PATJ: variants seen among roughly 807,000 people sequenced by gnomAD.
The protein encoded by PATJ is PATJ crumbs cell polarity complex component, also known as inaD-like protein.
PATJ carries 190 observed loss-of-function variants against 224.9 expected under a neutral mutation model. The ratio of observed to expected loss-of-function variants is 0.84; its 90% CI spans 0.75 to 0.95. The LOEUF (loss-of-function observed/expected upper bound fraction) is 0.95. Ranked by LOEUF, PATJ falls within the 40% of genes least tolerant of loss-of-function variation. The pLI is 0.00. For missense variants in PATJ, 2,121 were observed against 2,270.3 expected, an observed-to-expected ratio of 0.93 and a Z score of 1.34; for synonymous variants, 769 against 820.3, an observed-to-expected ratio of 0.94 and a Z score of 1.07.
chr1:62,115,413 G>A (rs1011801625), intron 35 of PATJ, among the ~76,000 whole-genome samples: 1 of 151,902 alleles, frequency 6.6e-6, no homozygotes. Flanking sequence ...TGGGAGGATC[G>A]CTTGAGGTGA....
chr1:61,760,331 A>T (rs1174591379), intron 1 of PATJ, among the ~76,000 whole-genome samples: 1 of 152,180 alleles, frequency 6.6e-6, no homozygotes. Flanking sequence ...ATGATCTTGA[A>T]TTAGAAGATA....
intron 41 of PATJ, among the ~76,000 whole-genome samples, chr1:62,133,141 T>C (rs927532): frequency 0.72 from 109,875 of 152,018 alleles, 39,911 homozygotes; most frequent in East Asian, 0.79. Context: ...AAAATAGGCA[T>C]ATAAGAATAT....
At chr1:61,780,558 A>G (rs555015064) in intron 7 of PATJ, among the ~76,000 whole-genome samples, 1 of 152,360 alleles carries the variant, frequency 6.6e-6, no homozygotes, top group South Asian at 2.1e-4. Flanking sequence ...CCTGGAAATA[A>G]TAAAATATTG....
At chr1:62,134,820 A>G (rs1405868328) in intron 41 of PATJ, among the ~76,000 whole-genome samples, 1 of 152,134 alleles carries the variant, frequency 6.6e-6, no homozygotes, top group Non-Finnish European at 1.5e-5. Flanking sequence ...TGCTGCCCAC[A>G]TGGAGTTGCT....
At position 62,064,349 on chromosome 1, in the gene PATJ, G is replaced by A. The variant is rs965618242; in HGVS notation, c.4125+13291G>A. ...ATGCTTTTTTTTTTTTTTTTAGACC[G>A]AGTCTTACTCTGATGCCCAGGCTGG... is the stretch of plus-strand genomic sequence containing the variant. On this transcript the variant is annotated intron_variant, in intron 31 of 43. Transcript: ENST00000642238. Among the ~76,000 whole-genome samples, 16 of 145,726 alleles carry A rather than the reference G, an allele frequency of 1.1e-4. No homozygotes were observed. The East Asian group carries it at 2.4e-3, about 22-fold the overall frequency.
intron 33 of PATJ, among the ~76,000 whole-genome samples, chr1:62,091,656 C>G (rs1253233470): frequency 6.6e-6 from 1 of 152,150 alleles, no homozygotes; most frequent in Non-Finnish European, 1.5e-5. Flanking sequence ...GTGGCTCACA[C>G]CTGTAATCCC....
At position 62,018,793 on chromosome 1, in the gene PATJ, T is replaced by G. The variant is rs1646917291; in HGVS notation, c.3959+846T>G. 6.6e-6 allele frequency among the ~76,000 whole-genome samples: 1 copy of G among 152,162 alleles called. No homozygotes were observed. The highest frequency in any genetic ancestry group is 1.5e-5 in the Non-Finnish European group (1 of 68,030). ...AGAATGTTAGCTGCTATTTTAGGAT[T>G]ATGACAATCATTATTATTCTTCCCT... On this transcript the variant is annotated intron_variant, in intron 29 of 43. Transcript: ENST00000642238. The surrounding 1 kb of genome is among the most constrained non-coding windows in gnomAD (Gnocchi z 4.2).
intron 41 of PATJ, among the ~76,000 whole-genome samples, chr1:62,135,456 C>A (rs2148972272): frequency 7.7e-6 from 1 of 130,018 alleles, no homozygotes; most frequent in East Asian, 2.5e-4. Flanking sequence ...GCAGAGGTTG[C>A]AATGAGATGA....
chr1:61,891,581 C>T (rs1293420623), intron 22 of PATJ, among the ~76,000 whole-genome samples: 1 of 151,918 alleles, frequency 6.6e-6, no homozygotes, highest in South Asian at 2.1e-4. Flanking sequence ...CAGATGAAGG[C>T]GAATGTGAAC....
intron 31 of PATJ, among the ~76,000 whole-genome samples, chr1:62,065,090 G>A (rs1329446154): frequency 1.3e-5 from 2 of 152,146 alleles, no homozygotes; most frequent in East Asian, 3.9e-4. Flanking sequence ...CTTGAGATTT[G>A]CGTACATGAT....
intron 4 of PATJ, among the ~76,000 whole-genome samples, chr1:61,766,950 G>A (rs772042522): frequency 2.0e-5 from 3 of 152,066 alleles, no homozygotes; most frequent in East Asian, 1.9e-4. Context: ...AAAATTAGCC[G>A]GGCGTGGTGG....
chr1:62,019,897 G>A (rs1285583998), intron 29 of PATJ, among the ~76,000 whole-genome samples: 6 of 152,068 alleles, frequency 3.9e-5, no homozygotes, highest in East Asian at 1.9e-4. Flanking sequence ...GGCCAGGCGC[G>A]GTGGCTTGCA....
At chr1:61,833,997 G>A (rs1659766885) in intron 17 of PATJ, among the ~76,000 whole-genome samples, 1 of 152,184 alleles carries the variant, frequency 6.6e-6, no homozygotes, top group African/African-American at 2.4e-5. Context: ...AATAAGGGAA[G>A]CAATAGTTAT....
rs569446023 is a variant in PATJ, at chr1:61,792,765, G to A, written c.1168+1318G>A. ...GGGTGGTCTCAAACTCCTGACCTCA[G>A]GTGATCTGCCTGCCTCGGCCTCCCA... On this transcript the variant is annotated intron_variant, in intron 9 of 43. Transcript: ENST00000642238. Among the ~76,000 whole-genome samples the A allele has an allele frequency of 6.6e-5, 10 of 152,122 alleles. 2 individuals are homozygous for A. In the South Asian group the frequency reaches 8.3e-4, roughly 13 times the overall value.
At chr1:62,152,752 C>G (rs1417985945) in intron 42 of PATJ, among the ~76,000 whole-genome samples, 1 of 152,158 alleles carries the variant, frequency 6.6e-6, no homozygotes, top group East Asian at 1.9e-4. Flanking sequence ...CTGGCAGTCT[C>G]CCACCACACT....
At chr1:61,805,420 GCT>G in intron 12 of PATJ, 26 bp from the exon 13 acceptor site, 1 of 1,426,816 alleles carries the variant, frequency 7.0e-7, no homozygotes, top group Middle Eastern at 1.8e-4. Context: ...ACATTCTCTC[GCT>G]CTCTCTCTTT....
chr1:62,148,539 C>A (rs1668307811), intron 42 of PATJ, 149 bp downstream of exon 42: 1 of 634,844 alleles, frequency 1.6e-6, no homozygotes. Context: ...TCTCACAAGG[C>A]TTAATTCCAC....
chr1:61,990,108 G>C, intron 27 of PATJ, 60 bp from the exon 28 acceptor site: 2 of 1,211,400 alleles, frequency 1.7e-6, no homozygotes, highest in Non-Finnish European at 2.3e-6. Context: ...GGGAAATGCT[G>C]ACATCTCAAT....
At chr1:61,764,746 G>A (rs1315065383) in intron 3 of PATJ, among the ~76,000 whole-genome samples, 1 of 152,128 alleles carries the variant, frequency 6.6e-6, no homozygotes, top group South Asian at 2.1e-4. Flanking sequence ...GTGTCTTTCT[G>A]TGAATTGCTT....
Sources: allele counts gnomAD v4.1 joint callset (sites outside exome capture counted in the v4.1 genomes callset), GRCh38; gene constraint gnomAD v4.1.1; non-coding constraint Gnocchi (gnomAD v3.1); transcripts MANE v1.5; gene names NCBI Gene and HGNC (gene_info 2026-07-23, HGNC 2026-07-21).